The following ARNT2 variants were observed in gnomAD, a reference collection of about 807,000 sequenced individuals.
The protein encoded by ARNT2 is aryl hydrocarbon receptor nuclear translocator 2, also known as ARNT protein 2.
Under a neutral mutation model 91.7 loss-of-function variants are expected in ARNT2, and 36 were observed. The ratio of observed to expected loss-of-function variants is 0.39; its 90% CI spans 0.30 to 0.52. ARNT2 has a LOEUF of 0.52. Among genes scored for constraint, ARNT2 ranks in the 20% least tolerant of loss-of-function variants. ARNT2 has a pLI of 0.72. For synonymous variants in ARNT2, 365 were observed against 347.1 expected (o/e 1.05, Z -0.57); for missense variants, 775 against 939.3 (o/e 0.83, Z 2.29).
At chr15:80,489,605 A>G (rs976606719) in intron 5 of ARNT2, among the ~76,000 whole-genome samples, 4 of 152,340 alleles carry the variant, frequency 2.6e-5, no homozygotes, top group East Asian at 3.9e-4. Flanking sequence ...AGCTCTCTCC[A>G]TAATAGGCCT....
At chr15:80,434,808 A>G (rs1436419224) in intron 1 of ARNT2, among the ~76,000 whole-genome samples, 1 of 152,150 alleles carries the variant, frequency 6.6e-6, no homozygotes, top group Non-Finnish European at 1.5e-5. Context: ...AATAGATTGA[A>G]ATAAAGATAA....
intron 5 of ARNT2, among the ~76,000 whole-genome samples, chr15:80,506,274 AG>A (rs1374582020): frequency 6.6e-6 from 1 of 152,234 alleles, no homozygotes; most frequent in African/African-American, 2.4e-5. Context: ...ATTCCATTCA[AG>A]GGATGCCATG....
chr15:80,475,106 C>T lies in ARNT2; in HGVS notation c.505C>T (p.Pro169Ser), dbSNP rs1441152848. Reference protein sequence around the residue: ...RVIYVSDSVTPVLNQPQSEWF... With the variant: ...RVIYVSDSVTSVLNQPQSEWF... ...GATTTATGTGTCTGACTCCGTCACC[C>T]CTGTTCTGAACCAGCCCCAGTCAGA... The change falls in exon 5 of 19, where the codon CCT becomes TCT. Residue 169 changes from proline to serine, a missense_variant. Pro to Ser is a moderately conservative substitution (Grantham distance 74). Around this residue, in one of 5 missense-constraint regions of ARNT2, gnomAD observed 285 missense variants for 327.2 expected, o/e 0.87. Transcript: ENST00000303329. The T allele has an allele frequency of 1.2e-6, 2 of 1,614,056 alleles. No individual in the cohort carries two copies. Among genetic ancestry groups the T allele is most frequent in the African/African-American group, 1.3e-5 (1 of 74,930 alleles).
chr15:80,537,164 C>G (rs1897839394), intron 8 of ARNT2, among the ~76,000 whole-genome samples: 1 of 152,186 alleles, frequency 6.6e-6, no homozygotes, highest in Non-Finnish European at 1.5e-5. Flanking sequence ...CCAGTTCTGC[C>G]ACCAGCTTCT....
At position 80,426,702 on chromosome 15, in the gene ARNT2, T is replaced by C. The variant is rs1042077954; in HGVS notation, c.31+22156T>C. Among the ~76,000 whole-genome samples, 17 of 152,334 alleles carry C rather than the reference T, an allele frequency of 1.1e-4. 1 individual carries two copies. The East Asian group carries it at 2.5e-3, about 22-fold the overall frequency. On this transcript the variant is annotated intron_variant, in intron 1 of 18. Transcript: ENST00000303329. ...CAACCCATTTCATGAATTAAAAATATCCTTCTGGTTAGGTGCTGTGGACCA... is the reference window on the plus strand; with the variant it reads ...CAACCCATTTCATGAATTAAAAATACCCTTCTGGTTAGGTGCTGTGGACCA...
At chr15:80,552,237 A>G (rs1202358744) in intron 9 of ARNT2, among the ~76,000 whole-genome samples, 1 of 152,216 alleles carries the variant, frequency 6.6e-6, no homozygotes, top group African/African-American at 2.4e-5. Context: ...TATATGCTCC[A>G]AGTATTTTAA....
intron 1 of ARNT2, among the ~76,000 whole-genome samples, chr15:80,445,888 C>A (rs1896294148): frequency 6.6e-6 from 1 of 152,022 alleles, no homozygotes; most frequent in Non-Finnish European, 1.5e-5. Flanking sequence ...GCCTTCTGCC[C>A]CCTCTGCCCC....
At chr15:80,442,968 C>T (rs1247987689) in intron 1 of ARNT2, 3 of 985,300 alleles carry the variant, frequency 3.0e-6, no homozygotes, top group East Asian at 2.3e-4. Context: ...ATCATTCAGG[C>T]CTTGTCATCT....
chr15:80,423,405 A>C (rs1467815633), intron 1 of ARNT2, among the ~76,000 whole-genome samples: 1 of 152,200 alleles, frequency 6.6e-6, no homozygotes, highest in African/African-American at 2.4e-5. Context: ...TGTTGCTTAC[A>C]CTGGGAACGC....
At chr15:80,522,836 A>ATATG (rs1555411711) in intron 8 of ARNT2, among the ~76,000 whole-genome samples, 4 of 150,866 alleles carry the variant, frequency 2.7e-5, no homozygotes, top group Non-Finnish European at 4.4e-5. Context: ...ATATATATAT[A>ATATG]CACACATTAA....
chr15:80,508,205 G>A lies in ARNT2; in HGVS notation c.672G>A (p.Gln224=). 1 of 1,614,182 alleles carries A rather than the reference G, an allele frequency of 6.2e-7. No individual in the cohort carries two copies. The highest frequency in any genetic ancestry group is 8.5e-7 in the Non-Finnish European group (1 of 1,180,026). The part of the protein sequence containing the change: ...KTGTVKKEGQ[Q]SSMRMCMGSR... Reference sequence around the variant, plus strand: ...GGACGGTCAAGAAAGAAGGGCAGCAGTCATCCATGAGGATGTGCATGGGCT... The same window carrying A: ...GGACGGTCAAGAAAGAAGGGCAGCAATCATCCATGAGGATGTGCATGGGCT... Residue 224 remains glutamine (Q), a synonymous_variant, in exon 6 of 19, where the codon CAG becomes CAA. Coordinates refer to ENST00000303329, the MANE Select transcript of ARNT2 (RefSeq NM_014862.4).
intron 1 of ARNT2, among the ~76,000 whole-genome samples, chr15:80,429,471 C>T (rs1254341754): frequency 4.6e-5 from 7 of 152,202 alleles, no homozygotes; most frequent in Non-Finnish European, 1.0e-4. Context: ...CATGGAGGCT[C>T]CACCCACCCC....
Position 80,551,345 on chromosome 15 carries a change from G to A in ARNT2, c.954+70G>A, listed in dbSNP as rs375089832. ...TTGCCACAAAGTGCAGAAGACTGTCGGTTTGGCTGCCTATTCTGATCACCT... is the reference window on the plus strand; with the variant it reads ...TTGCCACAAAGTGCAGAAGACTGTCAGTTTGGCTGCCTATTCTGATCACCT... On this transcript the variant is annotated intron_variant, in intron 9 of 18. Coordinates refer to ENST00000303329, the MANE Select transcript of ARNT2 (RefSeq NM_014862.4). 182 of 1,415,696 alleles carry A rather than the reference G, an allele frequency of 1.3e-4. No individual in the cohort carries two copies. The African/African-American group carries it at 1.4e-3, about 11-fold the overall frequency. 87.7% of individuals were successfully genotyped at this position (1,415,696 alleles called of 1,614,324 possible).
chr15:80,581,955 G>T (rs764111890), intron 17 of ARNT2, among the ~76,000 whole-genome samples: 1 of 152,156 alleles, frequency 6.6e-6, no homozygotes, highest in Non-Finnish European at 1.5e-5. Context: ...TGTCTCCCAG[G>T]GCTAGGGTTC....
chr15:80,502,435 G>T (rs1897213173), intron 5 of ARNT2, among the ~76,000 whole-genome samples: 2 of 152,196 alleles, frequency 1.3e-5, no homozygotes, highest in South Asian at 4.1e-4. Flanking sequence ...AAAGGCTGTG[G>T]GTGCTGTGCT....
chr15:80,431,613 A>T (rs2141569399), intron 1 of ARNT2, among the ~76,000 whole-genome samples: 1 of 152,264 alleles, frequency 6.6e-6, no homozygotes, highest in East Asian at 1.9e-4. Flanking sequence ...GGGTCCTTAC[A>T]GACAGGCCCA....
intron 18 of ARNT2, among the ~76,000 whole-genome samples, chr15:80,593,277 C>A (rs1659254697): frequency 6.6e-6 from 1 of 152,228 alleles, no homozygotes; most frequent in Non-Finnish European, 1.5e-5. Context: ...GTTAGGTGCA[C>A]CTTGCTTGGG....
intron 5 of ARNT2, among the ~76,000 whole-genome samples, chr15:80,478,688 C>G (rs1442798647): frequency 6.6e-6 from 1 of 152,222 alleles, no homozygotes; most frequent in African/African-American, 2.4e-5. Flanking sequence ...ATGCAACAAG[C>G]TCTTATTGAT....
At chr15:80,493,354 G>A (rs1161168532) in intron 5 of ARNT2, among the ~76,000 whole-genome samples, 1 of 151,970 alleles carries the variant, frequency 6.6e-6, no homozygotes, top group African/African-American at 2.4e-5. Context: ...CAAGTGGCGG[G>A]GGGTGGGGGT....
Sources: gnomAD v4.1 joint callset for allele counts (sites outside exome capture counted in the v4.1 genomes callset) on GRCh38, gnomAD v4.1.1 for gene constraint, gnomAD v4.1.1 regional missense constraint, MANE v1.5 for transcripts, NCBI Gene and HGNC (gene_info 2026-07-23, HGNC 2026-07-21) for gene names.